UST: variants seen among roughly 807,000 people sequenced by gnomAD.
UST encodes the protein chondroitin sulfate 2-O-sulfotransferase.
A neutral mutation model predicts 45.6 loss-of-function variants in UST; 21 were observed. That is an observed-to-expected ratio of 0.46 (90% CI 0.33 to 0.66). The LOEUF (loss-of-function observed/expected upper bound fraction) is 0.66, where lower values mean the gene tolerates loss of function less well. Among genes scored for constraint, UST ranks in the 30% least tolerant of loss-of-function variants. The pLI, the probability that UST is intolerant of heterozygous loss-of-function variation, is 0.02. For synonymous variants in UST, 215 were observed against 200.6 expected (o/e 1.07, Z -0.61); for missense variants, 463 against 512.4 (o/e 0.90, Z 0.93).
At chr6:148,767,193 C>T (rs1776339966) in intron 1 of UST, among the ~76,000 whole-genome samples, 1 of 152,202 alleles carries the variant, frequency 6.6e-6, no homozygotes, top group Non-Finnish European at 1.5e-5. Flanking sequence ...TGTCAGGGTT[C>T]AGCTTAGCTC....
At chr6:149,034,402 G>A (rs375863926) in intron 7 of UST, among the ~76,000 whole-genome samples, 211 of 115,024 alleles carry the variant, frequency 1.8e-3, no homozygotes, top group Middle Eastern at 4.4e-3. Context: ...CTCCCTTCCC[G>A]CAGAGGCCCT....
rs138067150 is a variant in UST at position 148,987,189 on chromosome 6, AC to A, written c.681+22627del. 9.5e-3 allele frequency among the ~76,000 whole-genome samples: 1,443 copies of A among 152,318 alleles called. 27 individuals carry two copies. The highest frequency in any genetic ancestry group is 0.033 in the African/African-American group (1,377 of 41,566). On this transcript the variant is annotated intron_variant, in intron 5 of 7. Coordinates refer to ENST00000367463, the MANE Select transcript of UST (RefSeq NM_005715.3). ...CCACAAACCAGGAGATACATTAATT[AC>A]TTGCCTCCCTGGCCACTCTCAGTTT...
intron 3 of UST, among the ~76,000 whole-genome samples, chr6:148,943,798 T>G (rs6941568): frequency 0.16 from 23,701 of 152,214 alleles, 2,114 homozygotes; most frequent in African/African-American, 0.22. Context: ...ATTCCAGATT[T>G]CTATTAAATT....
chr6:149,040,615 A>G (rs1776299279), intron 7 of UST, among the ~76,000 whole-genome samples: 1 of 152,184 alleles, frequency 6.6e-6, no homozygotes, highest in Admixed American at 6.5e-5. Flanking sequence ...AGACCATGCC[A>G]TTGTACTCCA....
intron 2 of UST, among the ~76,000 whole-genome samples, chr6:148,895,856 T>C (rs1206289007): frequency 6.6e-6 from 1 of 152,228 alleles, no homozygotes; most frequent in Non-Finnish European, 1.5e-5. Flanking sequence ...TTATCAGCAG[T>C]GTGAAAATGG....
intron 1 of UST, among the ~76,000 whole-genome samples, chr6:148,812,934 T>C (rs1438426930): frequency 6.6e-6 from 1 of 152,180 alleles, no homozygotes; most frequent in Non-Finnish European, 1.5e-5. Flanking sequence ...TCCTTTTTAT[T>C]GGTAAATGAT....
chr6:148,891,202 G>A (rs1004612273), intron 2 of UST, among the ~76,000 whole-genome samples: 1 of 152,166 alleles, frequency 6.6e-6, no homozygotes, highest in African/African-American at 2.4e-5. Flanking sequence ...AGCATCATGT[G>A]CAGTGTCCAC....
intron 1 of UST, among the ~76,000 whole-genome samples, chr6:148,826,385 T>A (rs1777567665): frequency 6.6e-6 from 1 of 151,818 alleles, no homozygotes; most frequent in African/African-American, 2.4e-5. Flanking sequence ...AGTGCTGGGA[T>A]CACAGGCATG....
intron 1 of UST, among the ~76,000 whole-genome samples, chr6:148,871,510 G>C (rs1431593773): frequency 6.6e-6 from 1 of 152,154 alleles, no homozygotes; most frequent in East Asian, 1.9e-4. Context: ...CACTCACATT[G>C]CTGCACAGGC....
At chr6:148,885,284 C>A (rs1778892470) in intron 1 of UST, among the ~76,000 whole-genome samples, 1 of 152,128 alleles carries the variant, frequency 6.6e-6, no homozygotes, top group Non-Finnish European at 1.5e-5. Context: ...CTGGGGAAGG[C>A]ATATTCCCAT....
chr6:148,836,046 ATT>A (rs1777780643), intron 1 of UST, among the ~76,000 whole-genome samples: 2 of 152,088 alleles, frequency 1.3e-5, no homozygotes, highest in South Asian at 4.1e-4. Flanking sequence ...TGAAGGCAGA[ATT>A]TTGGGGAGTT....
chr6:149,068,679 A>G (rs1406685498), intron 7 of UST, among the ~76,000 whole-genome samples: 1 of 152,212 alleles, frequency 6.6e-6, no homozygotes, highest in Admixed American at 6.5e-5. Flanking sequence ...AGAATGTGCA[A>G]TGATCAAATC....
At chr6:148,821,301 C>T (rs749843121) in intron 1 of UST, among the ~76,000 whole-genome samples, 85 of 151,910 alleles carry the variant, frequency 5.6e-4, no homozygotes, top group Admixed American at 1.8e-3. Context: ...AATCCAATAA[C>T]GTTGTAGAAT....
chr6:148,870,419 A>G (rs1778528174), intron 1 of UST, among the ~76,000 whole-genome samples: 1 of 152,062 alleles, frequency 6.6e-6, no homozygotes, highest in African/African-American at 2.4e-5. Context: ...GAGGACTTCC[A>G]TTTGCCTTTT....
At chr6:149,023,997 C>T (rs1229679355) in intron 7 of UST, among the ~76,000 whole-genome samples, 1 of 152,182 alleles carries the variant, frequency 6.6e-6, no homozygotes, top group Non-Finnish European at 1.5e-5. Flanking sequence ...GATTATTTTT[C>T]CCTCAGAGTT....
chr6:148,868,815 C>T (rs895386678), intron 1 of UST, among the ~76,000 whole-genome samples: 8 of 152,188 alleles, frequency 5.3e-5, no homozygotes, highest in African/African-American at 1.7e-4. Context: ...CAGCACCAGA[C>T]TGATGTTTAT....
chr6:148,773,770 T>C (rs1354960428), intron 1 of UST, among the ~76,000 whole-genome samples: 1 of 152,180 alleles, frequency 6.6e-6, no homozygotes, highest in African/African-American at 2.4e-5. Context: ...ATGCCAGGTT[T>C]AGGGCTCAGA....
intron 5 of UST, among the ~76,000 whole-genome samples, chr6:149,018,498 A>G (rs1301247221): frequency 6.6e-6 from 1 of 152,100 alleles, no homozygotes; most frequent in East Asian, 1.9e-4. Flanking sequence ...GCTTACCCCC[A>G]CCAAGCCATT....
At chr6:149,002,455 A>T (rs1246216951) in intron 5 of UST, among the ~76,000 whole-genome samples, 1 of 152,150 alleles carries the variant, frequency 6.6e-6, no homozygotes, top group African/African-American at 2.4e-5. Flanking sequence ...AACTAAATAA[A>T]TTTAGTGTAG....
Sources: allele counts gnomAD v4.1 joint callset (sites outside exome capture counted in the v4.1 genomes callset), GRCh38; gene constraint gnomAD v4.1.1; transcripts MANE v1.5; gene names NCBI Gene and HGNC (gene_info 2026-07-23, HGNC 2026-07-21).